The following ZNF487 variants were observed in gnomAD, a reference collection of about 807,000 sequenced individuals.
ZNF487 encodes KRAB domain only 1.
ZNF487 carries 4 observed loss-of-function variants against 3.0 expected under a neutral mutation model. The ratio of observed to expected loss-of-function variants is 1.35; its 90% CI spans 0.66 to 3.08. The LOEUF (loss-of-function observed/expected upper bound fraction) is 3.08. Ranked by LOEUF, ZNF487 falls within the 30% of genes most tolerant of loss-of-function variation. ZNF487 has a pLI of 0.01. For missense variants in ZNF487, 146 were observed against 98.7 expected, an observed-to-expected ratio of 1.48 and a Z score of -2.03; for synonymous variants, 55 against 34.6, an observed-to-expected ratio of 1.59 and a Z score of -2.06.
chr10:43,440,155 T>C (rs1839545553), intron 1 of ZNF487, among the ~76,000 whole-genome samples: 1 of 151,532 alleles, frequency 6.6e-6, no homozygotes, highest in African/African-American at 2.4e-5. Flanking sequence ...CTCAAGCAAT[T>C]CTCCTGCCTC....
At chr10:43,493,709 AATATATATAT>A in the ZNF487 span, among the ~76,000 whole-genome samples, 1,088 of 43,652 alleles carry the variant, frequency 0.025, 34 homozygotes, top group East Asian at 0.039. Context: ...AAAAAAAAAA[AATATATATAT>A]ATATATATAT....
At chr10:43,475,974 C>T (rs1212377560) in intron 2 of ZNF487, 127 bp downstream of exon 2, 103 of 644,688 alleles carry the variant, frequency 1.6e-4, no homozygotes, top group Admixed American at 5.1e-5. Flanking sequence ...TTGATTGATC[C>T]CTTCTGGGCA....
At chr10:43,442,678 C>T (rs1161370503) in intron 1 of ZNF487, among the ~76,000 whole-genome samples, 3 of 151,944 alleles carry the variant, frequency 2.0e-5, no homozygotes, top group Non-Finnish European at 2.9e-5. Flanking sequence ...CTCCTGACCT[C>T]GTGATCCACC....
At chr10:43,444,921 CTT>C (rs1171804383) in intron 1 of ZNF487, among the ~76,000 whole-genome samples, 1 of 152,066 alleles carries the variant, frequency 6.6e-6, no homozygotes, top group Non-Finnish European at 1.5e-5. Flanking sequence ...GCCATCATCT[CTT>C]TGAATATTTT....
chr10:43,513,119 CT>C, the ZNF487 span, among the ~76,000 whole-genome samples: 1 of 152,188 alleles, frequency 6.6e-6, no homozygotes. Flanking sequence ...AGTGTGATAT[CT>C]TGCGGCAGCG....
intron 1 of ZNF487, among the ~76,000 whole-genome samples, chr10:43,449,088 C>G (rs1839914109): frequency 1.3e-5 from 2 of 151,524 alleles, no homozygotes; most frequent in African/African-American, 4.9e-5. Context: ...TGCCTGAGCT[C>G]AGGAGTTTGA....
chr10:43,513,284 G>A, the ZNF487 span, among the ~76,000 whole-genome samples: 1 of 152,246 alleles, frequency 6.6e-6, no homozygotes, highest in African/African-American at 2.4e-5. Context: ...GCTTTTGGTG[G>A]GCCTTATGGA....
At chr10:43,467,301 T>C (rs1177162450) in intron 1 of ZNF487, among the ~76,000 whole-genome samples, 1 of 150,528 alleles carries the variant, frequency 6.6e-6, no homozygotes, top group Non-Finnish European at 1.5e-5. Flanking sequence ...GCCTCGCGGG[T>C]TCAAGTGATT....
intron 1 of ZNF487, among the ~76,000 whole-genome samples, chr10:43,451,454 A>C (rs1840007569): frequency 6.6e-6 from 1 of 151,304 alleles, no homozygotes; most frequent in South Asian, 2.1e-4. Flanking sequence ...CATGTTGGTC[A>C]GGCTGGTCTC....
Position 43,482,278 on chromosome 10 carries a change from T to C in ZNF487, c.*356T>C, listed in dbSNP as rs1354413368. The C allele has an allele frequency of 5.1e-6, 2 of 393,168 alleles. No individual in the cohort carries two copies. The highest frequency in any genetic ancestry group is 9.8e-6 in the Non-Finnish European group (2 of 204,650). 24.4% of individuals were successfully genotyped at this position (393,168 alleles called of 1,614,324 possible). A position where few individuals can be genotyped will look rare whatever the true frequency, so the allele number is the denominator to read the frequency against. On this transcript the variant is annotated 3_prime_UTR_variant, in exon 4 of 4. Coordinates refer to ENST00000437590, the MANE Select transcript of ZNF487 (RefSeq NM_001355444.3). ...ATCAGTATGCTAGTACATTTTGCTG[T>C]AAGCCAAAGCATTCTGTATATCAGA...
chr10:43,464,992 C>CGG (rs1840615057), intron 1 of ZNF487, among the ~76,000 whole-genome samples: 1 of 147,064 alleles, frequency 6.8e-6, no homozygotes, highest in African/African-American at 2.5e-5. Flanking sequence ...GCTGGCTGGG[C>CGG]GGGGGCTGAC....
the ZNF487 span, among the ~76,000 whole-genome samples, chr10:43,520,563 G>C: frequency 6.6e-6 from 1 of 152,300 alleles, no homozygotes; most frequent in South Asian, 2.1e-4. Flanking sequence ...GGGTGCATTT[G>C]TGGCAAAAGA....
the ZNF487 span, among the ~76,000 whole-genome samples, chr10:43,507,792 C>T: frequency 1.3e-5 from 2 of 152,220 alleles, no homozygotes; most frequent in African/African-American, 2.4e-5. Context: ...GGGCAGCTGC[C>T]TACAAGGTGG....
At chr10:43,455,376 G>A (rs1298857613) in intron 1 of ZNF487, among the ~76,000 whole-genome samples, 6 of 152,168 alleles carry the variant, frequency 3.9e-5, no homozygotes, top group Non-Finnish European at 5.9e-5. Context: ...TTTGAGAAGC[G>A]AGCACCATCC....
At chr10:43,519,322 T>C in the ZNF487 span, among the ~76,000 whole-genome samples, 4 of 152,326 alleles carry the variant, frequency 2.6e-5, no homozygotes, top group South Asian at 8.3e-4. Flanking sequence ...CAGATCCATA[T>C]ATTTGTTATG....
At chr10:43,521,890 T>A in the ZNF487 span, among the ~76,000 whole-genome samples, 1 of 145,536 alleles carries the variant, frequency 6.9e-6, no homozygotes, top group African/African-American at 2.5e-5. Flanking sequence ...TATATGTATA[T>A]GAAAAGTAAA....
At chr10:43,517,435 T>A in the ZNF487 span, among the ~76,000 whole-genome samples, 21 of 152,346 alleles carry the variant, frequency 1.4e-4, no homozygotes, top group African/African-American at 5.1e-4. Flanking sequence ...CTGTCCACAT[T>A]GCAATATGAC....
At chr10:43,437,062 G>A (rs906211638), upstream of ZNF487, 10 of 313,604 alleles carry the variant, frequency 3.2e-5, no homozygotes, top group Non-Finnish European at 5.1e-5. Context: ...GCGCTGGACT[G>A]GCGGGCGCCC....
downstream of ZNF487, among the ~76,000 whole-genome samples, chr10:43,487,910 C>T (rs1458181080): frequency 2.2e-5 from 3 of 138,476 alleles, no homozygotes; most frequent in African/African-American, 8.2e-5. Flanking sequence ...CTTGGCAAAA[C>T]TCCGCCTCTA....
Sources: gnomAD v4.1 joint callset for allele counts (sites outside exome capture counted in the v4.1 genomes callset) on GRCh38, gnomAD v4.1.1 for gene constraint, MANE v1.5 for transcripts, NCBI Gene and HGNC (gene_info 2026-07-23, HGNC 2026-07-21) for gene names.